The following EXOC4 variants were observed in gnomAD, a reference collection of about 807,000 sequenced individuals.
EXOC4 encodes exocyst complex component 4.
A neutral mutation model predicts 107.2 loss-of-function variants in EXOC4; 71 were observed. The ratio of observed to expected loss-of-function variants is 0.66; its 90% CI spans 0.55 to 0.81. EXOC4 has a LOEUF of 0.81. Ranked by LOEUF, EXOC4 falls within the 30% of genes least tolerant of loss-of-function variation. EXOC4 has a pLI of 0.00. For synonymous variants in EXOC4, 456 were observed against 441.2 expected (o/e 1.03, Z -0.42); for missense variants, 1,108 against 1,189.6 (o/e 0.93, Z 1.01).
At chr7:133,529,931 C>T (rs147715415) in intron 9 of EXOC4, among the ~76,000 whole-genome samples, 264 of 152,266 alleles carry the variant, frequency 1.7e-3, no homozygotes, top group African/African-American at 5.9e-3. Flanking sequence ...AAATACCAAC[C>T]TCTCCACTAA....
chr7:133,484,213 G>GT lies in EXOC4; in HGVS notation c.1417+4077dup, dbSNP rs1313784345. 2.0e-6 allele frequency: 3 copies of GT among 1,484,296 alleles called. No homozygotes were observed. In the African/African-American group the frequency reaches 4.2e-5, roughly 21 times the overall value. The allele number at this position is 1,484,296 out of a possible 1,614,324, so 91.9% of individuals were successfully genotyped here. ...ATTAAAAAAATGAGATTTCTTTGGT[G>GT]TTATCAATGCATCTCAATAGGCTCT... On this transcript the variant is annotated intron_variant, in intron 9 of 17. Coordinates refer to ENST00000253861, the MANE Select transcript of EXOC4 (RefSeq NM_021807.4).
chr7:133,689,803 G>A (rs1450094266), intron 10 of EXOC4, among the ~76,000 whole-genome samples: 1 of 152,198 alleles, frequency 6.6e-6, no homozygotes, highest in Non-Finnish European at 1.5e-5. Flanking sequence ...TCAGGGGAAA[G>A]AATTGTCAGA....
chr7:133,925,281 T>C (rs1464478119), intron 13 of EXOC4, among the ~76,000 whole-genome samples: 1 of 152,192 alleles, frequency 6.6e-6, no homozygotes, highest in Non-Finnish European at 1.5e-5. Context: ...ATTTCCAGGC[T>C]TAACTTTGAA....
At chr7:134,097,831 G>T in the EXOC4 span, among the ~76,000 whole-genome samples, 1 of 152,200 alleles carries the variant, frequency 6.6e-6, no homozygotes, top group African/African-American at 2.4e-5. Flanking sequence ...GGGCCTGGAA[G>T]ATGTTCATGG....
chr7:133,441,191 A>T (rs1798095363), intron 7 of EXOC4, among the ~76,000 whole-genome samples: 1 of 152,182 alleles, frequency 6.6e-6, no homozygotes, highest in Admixed American at 6.5e-5. Flanking sequence ...ATGCTTCAAG[A>T]CGGGAGAGAT....
intron 5 of EXOC4, among the ~76,000 whole-genome samples, chr7:133,341,034 T>G (rs1206391782): frequency 2.0e-5 from 3 of 152,164 alleles, no homozygotes; most frequent in Admixed American, 6.5e-5. Context: ...TCAATTTTAT[T>G]TAGTTCTGCA....
intron 7 of EXOC4, among the ~76,000 whole-genome samples, chr7:133,398,984 TA>T (rs1797031338): frequency 6.6e-6 from 1 of 152,240 alleles, no homozygotes; most frequent in Non-Finnish European, 1.5e-5. Context: ...AGAATTTGTA[TA>T]CCATTTACAT....
At chr7:133,491,329 T>C (rs1799368041) in intron 9 of EXOC4, among the ~76,000 whole-genome samples, 1 of 152,236 alleles carries the variant, frequency 6.6e-6, no homozygotes, top group Admixed American at 6.5e-5. Flanking sequence ...TAAGTCCCTG[T>C]TTGTTTGCAC....
intron 10 of EXOC4, among the ~76,000 whole-genome samples, chr7:133,643,961 G>A (rs932865687): frequency 2.0e-5 from 3 of 152,158 alleles, no homozygotes; most frequent in African/African-American, 7.2e-5. Flanking sequence ...TCTCCTTGGG[G>A]AAGGATGGGA....
chr7:133,575,737 A>G (rs913836926), intron 9 of EXOC4, among the ~76,000 whole-genome samples: 2 of 152,190 alleles, frequency 1.3e-5, no homozygotes, highest in Non-Finnish European at 2.9e-5. Context: ...GCCCAGTGGT[A>G]TACAATTCAG....
downstream of EXOC4, among the ~76,000 whole-genome samples, chr7:134,069,623 A>G (rs10243168): frequency 0.78 from 118,303 of 152,114 alleles, 46,995 homozygotes; most frequent in African/African-American, 0.93. Context: ...TCTGCCTCTC[A>G]AGTAGCTGGA....
chr7:133,724,393 G>A (rs951822247), intron 10 of EXOC4, among the ~76,000 whole-genome samples: 4 of 152,104 alleles, frequency 2.6e-5, no homozygotes, highest in South Asian at 2.1e-4. Flanking sequence ...TAATTCTTCC[G>A]GAAACTCGTT....
At chr7:133,614,303 G>C (rs1236242357) in intron 9 of EXOC4, among the ~76,000 whole-genome samples, 1 of 152,120 alleles carries the variant, frequency 6.6e-6, no homozygotes, top group Admixed American at 6.5e-5. Flanking sequence ...GGGAAAAGAT[G>C]AACAGCAGTT....
chr7:133,669,488 A>C (rs1793897868), intron 10 of EXOC4, among the ~76,000 whole-genome samples: 1 of 152,258 alleles, frequency 6.6e-6, no homozygotes, highest in Admixed American at 6.5e-5. Flanking sequence ...TTTCTGATTT[A>C]GTGACAAATC....
chr7:133,301,809 C>T (rs945178169), intron 3 of EXOC4, among the ~76,000 whole-genome samples: 1 of 152,106 alleles, frequency 6.6e-6, no homozygotes, highest in Non-Finnish European at 1.5e-5. Context: ...TCTTTTACAA[C>T]ATTTCTTCAA....
intron 10 of EXOC4, among the ~76,000 whole-genome samples, chr7:133,769,186 C>T (rs1273377245): frequency 6.6e-6 from 1 of 151,956 alleles, no homozygotes; most frequent in Non-Finnish European, 1.5e-5. Flanking sequence ...AGTTGGTTTC[C>T]ACCATGGCAC....
At chr7:134,095,252 C>T in the EXOC4 span, among the ~76,000 whole-genome samples, 5 of 151,818 alleles carry the variant, frequency 3.3e-5, no homozygotes, top group African/African-American at 7.3e-5. Context: ...CCTAGGAATA[C>T]GTATAACCAA....
the EXOC4 span, among the ~76,000 whole-genome samples, chr7:134,081,782 A>G: frequency 6.6e-6 from 1 of 152,040 alleles, no homozygotes; most frequent in Non-Finnish European, 1.5e-5. Context: ...GGATGGGGAG[A>G]AGCAGGTTTG....
chr7:133,445,096 C>T lies in EXOC4; in HGVS notation c.1183-30232C>T, dbSNP rs1798188521. On this transcript the variant is annotated intron_variant, in intron 7 of 17. Coordinates refer to ENST00000253861, the MANE Select transcript of EXOC4 (RefSeq NM_021807.4). ...CCGTATGTGTACTGATTGACAAGTT[C>T]CTCCTGTCATGTACTTGATGGCTAA... Among the ~76,000 whole-genome samples, 5 of 151,796 alleles carry T rather than the reference C, an allele frequency of 3.3e-5. No individual in the cohort carries two copies. The South Asian group carries it at 1.0e-3, about 32-fold the overall frequency.
Sources: allele counts gnomAD v4.1 joint callset (sites outside exome capture counted in the v4.1 genomes callset), GRCh38; gene constraint gnomAD v4.1.1; transcripts MANE v1.5; gene names NCBI Gene and HGNC (gene_info 2026-07-23, HGNC 2026-07-21).